CNR2: variants seen among roughly 807,000 people sequenced by gnomAD.
CNR2 encodes the protein cannabinoid receptor 2.
For synonymous variants in CNR2, 172 were observed against 182.2 expected, an observed-to-expected ratio of 0.94 and a Z score of 0.45; for missense variants, 379 against 439.9, an observed-to-expected ratio of 0.86 and a Z score of 1.24.
chr1:23,908,200 C>T (rs757900286), intron 1 of CNR2, among the ~76,000 whole-genome samples: 3 of 151,968 alleles, frequency 2.0e-5, no homozygotes, highest in Admixed American at 1.3e-4. Context: ...AGCATGGTCT[C>T]GATATCCTGA....
chr1:23,883,127 T>C (rs1420215072), intron 1 of CNR2, among the ~76,000 whole-genome samples: 1 of 152,190 alleles, frequency 6.6e-6, no homozygotes, highest in Non-Finnish European at 1.5e-5. Context: ...TCAATAATCC[T>C]TTGAAAAGAT....
intron 1 of CNR2, among the ~76,000 whole-genome samples, chr1:23,894,474 AAGGAAGGAAGCT>A (rs1353622633): frequency 6.2e-5 from 9 of 144,954 alleles, no homozygotes; most frequent in African/African-American, 7.7e-5. Context: ...GGAAGCAAGG[AAGGAAGGAAGCT>A]AGGAAGGAAG....
chr1:23,897,481 A>ATTTAGAATT (rs1640303627), intron 1 of CNR2, among the ~76,000 whole-genome samples: 1 of 149,904 alleles, frequency 6.7e-6, no homozygotes, highest in Non-Finnish European at 1.5e-5. Context: ...TGTTAATAGA[A>ATTTAGAATT]TTTTTTTTTT....
intron 1 of CNR2, among the ~76,000 whole-genome samples, chr1:23,901,189 A>T (rs940904483): frequency 1.1e-4 from 16 of 152,142 alleles, no homozygotes; most frequent in Non-Finnish European, 2.9e-5. Flanking sequence ...CCCTCAAAGC[A>T]GGTGGCATGG....
chr1:23,883,599 C>T (rs530201308), intron 1 of CNR2, among the ~76,000 whole-genome samples: 2 of 152,122 alleles, frequency 1.3e-5, no homozygotes, highest in Non-Finnish European at 2.9e-5. Flanking sequence ...CCGAAACAGG[C>T]GAATTGCCTG....
intron 1 of CNR2, among the ~76,000 whole-genome samples, chr1:23,912,406 G>A (rs1440444561): frequency 6.6e-6 from 1 of 152,212 alleles, no homozygotes; most frequent in Non-Finnish European, 1.5e-5. Flanking sequence ...GCCAGCCCCT[G>A]TCATTTCCTG....
At chr1:23,883,844 A>C (rs1640034330) in intron 1 of CNR2, among the ~76,000 whole-genome samples, 1 of 151,162 alleles carries the variant, frequency 6.6e-6, no homozygotes, top group African/African-American at 2.4e-5. Flanking sequence ...AACAAACAAC[A>C]AAAAAACAAA....
chr1:23,896,565 A>C (rs186541785), intron 1 of CNR2, among the ~76,000 whole-genome samples: 2 of 152,356 alleles, frequency 1.3e-5, no homozygotes, highest in East Asian at 3.9e-4. Context: ...GTTGGTAACC[A>C]ATGAGAGTGA....
chr1:23,902,698 CG>C, intron 1 of CNR2: 1 of 1,592,396 alleles, frequency 6.3e-7, no homozygotes, highest in Non-Finnish European at 8.5e-7. Flanking sequence ...GCCACGAGCT[CG>C]TTGTTGAACA....
chr1:23,888,912 T>G (rs1299043882), intron 1 of CNR2, among the ~76,000 whole-genome samples: 3 of 152,046 alleles, frequency 2.0e-5, no homozygotes, highest in Non-Finnish European at 4.4e-5. Context: ...GAGGTTGCAG[T>G]GAGCTGAGAT....
chr1:23,889,153 G>T (rs1640143359), intron 1 of CNR2, among the ~76,000 whole-genome samples: 1 of 152,130 alleles, frequency 6.6e-6, no homozygotes. Flanking sequence ...TGAGCATCTG[G>T]GAAGGGAAAC....
At chr1:23,903,364 C>T (rs2148470142) in intron 1 of CNR2, among the ~76,000 whole-genome samples, 1 of 152,014 alleles carries the variant, frequency 6.6e-6, no homozygotes, top group East Asian at 1.9e-4. Context: ...CGGTTGGGCC[C>T]AGGAGTTCAA....
At chr1:23,890,250 C>T (rs1352105901) in intron 1 of CNR2, among the ~76,000 whole-genome samples, 3 of 131,366 alleles carry the variant, frequency 2.3e-5, no homozygotes, top group Admixed American at 1.7e-4. Context: ...CAGAGTGAGA[C>T]CTTGTCTCAA....
rs202031201 is a variant in CNR2 at position 23,874,262 on chromosome 1, C to G, written c.*273G>C. On this transcript the variant is annotated 3_prime_UTR_variant, in exon 2 of 2. Transcript: ENST00000374472. Reference sequence around the variant, plus strand: ...GTCTCTGGAGGATGCAGGCATGAAGCCTGACCTGACTTGTACTGACCCTGT... The same window carrying G: ...GTCTCTGGAGGATGCAGGCATGAAGGCTGACCTGACTTGTACTGACCCTGT... 2.8e-6 allele frequency: 1 copy of G among 361,294 alleles called. No individual in the cohort carries two copies. The highest frequency in any genetic ancestry group is 5.1e-6 in the Non-Finnish European group (1 of 194,568). The allele number at this position is 361,294 out of a possible 1,614,324, so 22.4% of individuals were successfully genotyped here. A position where few individuals can be genotyped will look rare whatever the true frequency, so the allele number is the denominator to read the frequency against.
At chr1:23,884,862 A>G (rs1226677997) in intron 1 of CNR2, among the ~76,000 whole-genome samples, 1 of 151,194 alleles carries the variant, frequency 6.6e-6, no homozygotes, top group Non-Finnish European at 1.5e-5. Flanking sequence ...GTGCAGTGGC[A>G]TGATCTCAAC....
chr1:23,886,897 T>G (rs1283418262), intron 1 of CNR2, among the ~76,000 whole-genome samples: 1 of 13,608 alleles, frequency 7.3e-5, no homozygotes, highest in African/African-American at 2.9e-4. Flanking sequence ...GGTTTTTTTG[T>G]TTTTTTTGTT....
chr1:23,874,110 A>C lies in CNR2; in HGVS notation c.*425T>G. On this transcript the variant is annotated 3_prime_UTR_variant, in exon 2 of 2. Coordinates refer to ENST00000374472, the MANE Select transcript of CNR2 (RefSeq NM_001841.3). ...CAGAGCCAAGGAGGCCTTGACAATT[A>C]GGCAGAGAGAAGACCTGGATGTCCA... 1 of 171,332 alleles carries C rather than the reference A, an allele frequency of 5.8e-6. No individual in the cohort carries two copies. The allele number at this position is 171,332 out of a possible 1,614,324, so 10.6% of individuals were successfully genotyped here.
At chr1:23,885,899 C>T (rs183263211) in intron 1 of CNR2, among the ~76,000 whole-genome samples, 8 of 67,724 alleles carry the variant, frequency 1.2e-4, no homozygotes, top group South Asian at 5.0e-4. Flanking sequence ...AGGGTGGCGG[C>T]GGGGGGGTGG....
intron 1 of CNR2, among the ~76,000 whole-genome samples, chr1:23,903,857 C>G (rs1640442805): frequency 6.6e-6 from 1 of 152,200 alleles, no homozygotes; most frequent in African/African-American, 2.4e-5. Context: ...CGCAAAGATG[C>G]AGTGACTTGT....
Sources: gnomAD v4.1 joint callset for allele counts (sites outside exome capture counted in the v4.1 genomes callset) on GRCh38, gnomAD v4.1.1 for gene constraint, MANE v1.5 for transcripts, NCBI Gene and HGNC (gene_info 2026-07-23, HGNC 2026-07-21) for gene names.